ADAMTS9: variants seen among roughly 807,000 people sequenced by gnomAD.
The protein encoded by ADAMTS9 is A disintegrin and metalloproteinase with thrombospondin motifs 9.
In ADAMTS9, 107 loss-of-function variants were observed where a neutral mutation model predicts 257.1. The observed-to-expected ratio is 0.42, with a 90% confidence interval of 0.36 to 0.49. ADAMTS9 has a LOEUF of 0.49. Among genes scored for constraint, ADAMTS9 ranks in the 20% least tolerant of loss-of-function variants. The probability of loss-of-function intolerance (pLI) is 0.03; values close to 1 mark genes in which losing one functional copy is unlikely to be tolerated. For synonymous variants in ADAMTS9, 982 were observed against 880.9 expected (o/e 1.11, Z -2.03); for missense variants, 2,353 against 2,469.1 (o/e 0.95, Z 1.00).
At chr3:64,561,434 A>G (rs2083420970) in intron 30 of ADAMTS9, 144 bp downstream of exon 30, 1 of 833,240 alleles carries the variant, frequency 1.2e-6, no homozygotes, top group Admixed American at 3.3e-5. Context: ...CGAATGCGCG[A>G]GTCTGACAGT....
intron 31 of ADAMTS9, among the ~76,000 whole-genome samples, chr3:64,548,770 A>G (rs934016389): frequency 2.6e-5 from 4 of 152,240 alleles, no homozygotes; most frequent in African/African-American, 7.2e-5. Flanking sequence ...TCCTCAAACC[A>G]TTTCAGAGAG....
intron 4 of ADAMTS9, among the ~76,000 whole-genome samples, chr3:64,657,022 G>C (rs1701092511): frequency 6.6e-6 from 1 of 152,138 alleles, no homozygotes; most frequent in South Asian, 2.1e-4. Context: ...GGCTTTTCTG[G>C]ACCCATCTCG....
chr3:64,614,565 C>A (rs2084725411), intron 21 of ADAMTS9, among the ~76,000 whole-genome samples: 1 of 152,180 alleles, frequency 6.6e-6, no homozygotes, highest in African/African-American at 2.4e-5. Flanking sequence ...AAAAAGGAAA[C>A]TTCTGTTTCG....
chr3:64,576,476 A>T (rs2083850876), intron 28 of ADAMTS9, among the ~76,000 whole-genome samples: 1 of 152,200 alleles, frequency 6.6e-6, no homozygotes, highest in Non-Finnish European at 1.5e-5. Flanking sequence ...GGCTCTGAAC[A>T]GTGGCAGCGA....
intron 29 of ADAMTS9, among the ~76,000 whole-genome samples, chr3:64,566,720 A>G (rs2083553828): frequency 6.6e-6 from 1 of 152,186 alleles, no homozygotes; most frequent in Non-Finnish European, 1.5e-5. Context: ...TAATATTCAG[A>G]GGTAAATAAA....
At chr3:64,558,322 A>T (rs192502496) in intron 30 of ADAMTS9, among the ~76,000 whole-genome samples, 305 of 152,320 alleles carry the variant, frequency 2.0e-3, no homozygotes, top group African/African-American at 7.0e-3. Flanking sequence ...GCCCCTATTA[A>T]ATGAGGATAA....
At chr3:64,520,626 G>A (rs1023447863) in intron 39 of ADAMTS9, among the ~76,000 whole-genome samples, 1 of 152,062 alleles carries the variant, frequency 6.6e-6, no homozygotes, top group Non-Finnish European at 1.5e-5. Flanking sequence ...ACAGAATAAG[G>A]AACCCAGAAA....
In ADAMTS9 at chr3:64,687,835, A is replaced by C; in HGVS notation, c.-178T>G. ...CGAGGGTCCCGTCTGCGCTCGGCTG[A>C]GCAACGCCGCCGCCTGCCGAGAGCT... is the stretch of plus-strand genomic sequence containing the variant. On this transcript the variant is annotated 5_prime_UTR_variant, in exon 1 of 40. Transcript: ENST00000498707. This position sits in a 1 kb window ranked among gnomAD's most constrained non-coding sequence, Gnocchi z 4.4. 1 of 474,600 alleles carries C rather than the reference A, an allele frequency of 2.1e-6. No individual in the cohort carries two copies. Among genetic ancestry groups the C allele is most frequent in the Non-Finnish European group, 3.7e-6 (1 of 267,218 alleles). 29.4% of individuals were successfully genotyped at this position (474,600 alleles called of 1,614,324 possible). A position where few individuals can be genotyped will look rare whatever the true frequency, so the allele number is the denominator to read the frequency against.
intron 3 of ADAMTS9, among the ~76,000 whole-genome samples, chr3:64,671,529 T>C (rs1001395908): frequency 1.3e-5 from 2 of 152,104 alleles, no homozygotes; most frequent in Non-Finnish European, 2.9e-5. Context: ...AAATAAAAAA[T>C]AATTAGCAGA....
At chr3:64,642,441 A>AG (rs67381407) in intron 11 of ADAMTS9, among the ~76,000 whole-genome samples, 3 of 151,598 alleles carry the variant, frequency 2.0e-5, no homozygotes, top group East Asian at 2.0e-4. Flanking sequence ...TATATTGGAG[A>AG]GGGGGGAAAA....
Position 64,604,278 on chromosome 3 carries a change from TCTC to T in ADAMTS9, c.3525_3527del (p.Arg1176del), listed in dbSNP as rs765556694. The T allele has an allele frequency of 5.0e-6, 8 of 1,613,450 alleles. No homozygotes were observed. The highest frequency in any genetic ancestry group is 1.7e-5 in the Admixed American group (1 of 59,960). On this transcript the variant is annotated inframe_deletion, in exon 24 of 40. Transcript: ENST00000498707. ...GGGTTCTTGGTGCACTGTATGTGCT[TCTC>T]CTCGTTTCCGGGGCAGCTGGGGGAG...
At chr3:64,668,230 C>A (rs1338296733) in intron 3 of ADAMTS9, among the ~76,000 whole-genome samples, 2 of 152,288 alleles carry the variant, frequency 1.3e-5, no homozygotes, top group South Asian at 4.2e-4. Context: ...TTAAGAATTT[C>A]TAGTAGCCAC....
At chr3:64,596,427 C>T (rs2106794845) in intron 27 of ADAMTS9, among the ~76,000 whole-genome samples, 1 of 152,274 alleles carries the variant, frequency 6.6e-6, no homozygotes, top group South Asian at 2.1e-4. Flanking sequence ...TCATTAGTGA[C>T]TTGGAATGTT....
At chr3:64,657,096 G>A (rs1045386112) in intron 4 of ADAMTS9, among the ~76,000 whole-genome samples, 4 of 152,102 alleles carry the variant, frequency 2.6e-5, no homozygotes, top group Non-Finnish European at 5.9e-5. Flanking sequence ...TTGAAAAGAA[G>A]CTGTATATGC....
intron 36 of ADAMTS9, among the ~76,000 whole-genome samples, chr3:64,540,473 G>C (rs2083106317): frequency 6.6e-6 from 1 of 152,116 alleles, no homozygotes; most frequent in Non-Finnish European, 1.5e-5. Flanking sequence ...GTTTAGAAAA[G>C]GTAATTCTGT....
intron 3 of ADAMTS9, among the ~76,000 whole-genome samples, chr3:64,662,008 G>A (rs529671522): frequency 2.6e-5 from 4 of 151,728 alleles, no homozygotes; most frequent in Non-Finnish European, 4.4e-5. Flanking sequence ...TAAAGTAGAA[G>A]GTTAGGTTAT....
At chr3:64,590,923 T>A (rs1576089984) in intron 28 of ADAMTS9, among the ~76,000 whole-genome samples, 1 of 152,168 alleles carries the variant, frequency 6.6e-6, no homozygotes. Context: ...CGAAGACCCA[T>A]CTTGGATACA....
rs549961110 is a variant in ADAMTS9 at position 64,640,372 on chromosome 3, A to C, written c.1856+1476T>G. On this transcript the variant is annotated intron_variant, in intron 12 of 39. Transcript: ENST00000498707. The stretch of plus-strand genomic sequence containing the variant: ...TAGAAAAGATTCGGAAGCTTTGCCA[A>C]TATTAGACTCTTTTCTCACTGCCGA... Among the ~76,000 whole-genome samples the C allele has an allele frequency of 5.9e-5, 9 of 152,226 alleles. 1 individual carries two copies. The highest frequency in any genetic ancestry group is 5.9e-4 in the Admixed American group (9 of 15,292).
At chr3:64,573,565 C>T (rs952893170) in intron 28 of ADAMTS9, among the ~76,000 whole-genome samples, 3 of 152,202 alleles carry the variant, frequency 2.0e-5, no homozygotes, top group African/African-American at 7.2e-5. Flanking sequence ...TGTGAGTCTA[C>T]AGACTATGAA....
Sources: allele counts gnomAD v4.1 joint callset (sites outside exome capture counted in the v4.1 genomes callset), GRCh38; gene constraint gnomAD v4.1.1; non-coding constraint Gnocchi (gnomAD v3.1); transcripts MANE v1.5; gene names NCBI Gene and HGNC (gene_info 2026-07-23, HGNC 2026-07-21).